MECOM: variants seen among roughly 807,000 people sequenced by gnomAD.
The protein encoded by MECOM is MDS1 and EVI1 complex locus.
In MECOM, 13 loss-of-function variants were observed where a neutral mutation model predicts 116.3. That is an observed-to-expected ratio of 0.11 (90% CI 0.07 to 0.18). The LOEUF is 0.18. Among genes scored for constraint, MECOM ranks in the 10% least tolerant of loss-of-function variants. The pLI is 1.00. For synonymous variants in MECOM, 528 were observed against 535.2 expected (o/e 0.99, Z 0.19); for missense variants, 1,299 against 1,509.0 (o/e 0.86, Z 2.31).
intron 2 of MECOM, among the ~76,000 whole-genome samples, chr3:169,263,849 T>G (rs774502451): frequency 1.6e-4 from 25 of 152,134 alleles, no homozygotes; most frequent in Non-Finnish European, 3.2e-4. Context: ...TAAATAAAAT[T>G]ACTTCTGGTT....
intron 1 of MECOM, among the ~76,000 whole-genome samples, chr3:169,533,274 C>A (rs1041432227): frequency 7.2e-5 from 11 of 152,112 alleles, no homozygotes; most frequent in Non-Finnish European, 1.5e-4. Flanking sequence ...TTATCAAGAC[C>A]TGGTGTGTAG....
At chr3:169,163,062 CTT>C (rs1743078050) in intron 2 of MECOM, among the ~76,000 whole-genome samples, 1 of 152,062 alleles carries the variant, frequency 6.6e-6, no homozygotes. Flanking sequence ...GCACAAAACA[CTT>C]TTAAATCATA....
At chr3:169,094,907 A>G (rs1056679896) in intron 13 of MECOM, among the ~76,000 whole-genome samples, 169 bp downstream of exon 13, 1 of 152,214 alleles carries the variant, frequency 6.6e-6, no homozygotes, top group Admixed American at 6.5e-5. Context: ...TAATGATCAC[A>G]TTGCTCACAT....
chr3:169,308,505 T>C (rs1577666247), intron 2 of MECOM, among the ~76,000 whole-genome samples: 1 of 152,218 alleles, frequency 6.6e-6, no homozygotes, highest in East Asian at 1.9e-4. Context: ...ATATTCTATC[T>C]ACTGTTCAAA....
chr3:169,529,546 T>C lies in MECOM; in HGVS notation c.37+133790A>G, dbSNP rs918283854. On this transcript the variant is annotated intron_variant, in intron 1 of 16. Transcript: ENST00000651503. ...AAAGAAGCTGAAGTAACAGCCAGTTTGACATCCCCACTCCCCAGCATTTCA... is the reference window on the plus strand; with the variant it reads ...AAAGAAGCTGAAGTAACAGCCAGTTCGACATCCCCACTCCCCAGCATTTCA... 6.6e-5 allele frequency among the ~76,000 whole-genome samples: 10 copies of C among 152,168 alleles called. No individual in the cohort carries two copies. The East Asian group carries it at 9.6e-4, about 15-fold the overall frequency.
chr3:169,345,532 C>T (rs1430408681), intron 2 of MECOM, among the ~76,000 whole-genome samples: 1 of 152,044 alleles, frequency 6.6e-6, no homozygotes, highest in Non-Finnish European at 1.5e-5. Flanking sequence ...AGCAAAAACT[C>T]CTCAGCACAA....
intron 1 of MECOM, among the ~76,000 whole-genome samples, chr3:169,411,851 C>T (rs1012467117): frequency 6.6e-6 from 1 of 152,104 alleles, no homozygotes. Context: ...AGTAGCCAGG[C>T]ATGGTAGTGC....
chr3:169,287,084 C>A lies in MECOM; in HGVS notation c.375+94103G>T, dbSNP rs1043146827. ...CTGGAGTCCTATTTCCTGGGCCCTC[C>A]GAAGATAGAAAATATCACATTTCTA... On this transcript the variant is annotated intron_variant, in intron 2 of 16. Transcript: ENST00000651503. Among the ~76,000 whole-genome samples, 4 of 152,106 alleles carry A rather than the reference C, an allele frequency of 2.6e-5. No individual in the cohort carries two copies. In the South Asian group the frequency reaches 6.2e-4, roughly 24 times the overall value.
intron 1 of MECOM, among the ~76,000 whole-genome samples, chr3:169,472,617 GA>G (rs1749659941): frequency 1.6e-5 from 1 of 61,620 alleles, no homozygotes; most frequent in East Asian, 3.9e-4. Flanking sequence ...GGAAAGGAAA[GA>G]AAAGAAAAGA....
intron 2 of MECOM, among the ~76,000 whole-genome samples, chr3:169,301,019 C>A (rs1380550755): frequency 6.6e-6 from 1 of 152,228 alleles, no homozygotes; most frequent in Non-Finnish European, 1.5e-5. Context: ...AGCAATCTTT[C>A]TTAGCTCTGT....
At chr3:169,455,689 T>G (rs1402949196) in intron 1 of MECOM, among the ~76,000 whole-genome samples, 1 of 152,188 alleles carries the variant, frequency 6.6e-6, no homozygotes, top group Non-Finnish European at 1.5e-5. Flanking sequence ...AAGCCATGCA[T>G]GGAGCAAATA....
chr3:169,115,732 C>A lies in MECOM; in HGVS notation c.2140G>T (p.Asp714Tyr), dbSNP rs748180526. Residue 714 changes from aspartate to tyrosine, a missense_variant, in exon 8 of 17, where the codon GAC (aspartate) becomes TAC (tyrosine). Asp to Tyr is a radical substitution (Grantham distance 160). Transcript: ENST00000651503. ...SQSMYPFPDR[D>Y]LRSLPLKMEP... is the part of the protein sequence containing the mutation. ...ATTTTCAAAGGTAACGATCTCAAGT[C>A]TCTATCAGGAAATGGGTACATTGAT... is the stretch of plus-strand genomic sequence containing the variant. 34 of 1,614,118 alleles carry A rather than the reference C, an allele frequency of 2.1e-5. No individual in the cohort carries two copies. Among genetic ancestry groups the A allele is most frequent in the Non-Finnish European group, 2.9e-5 (34 of 1,180,032 alleles).
intron 1 of MECOM, among the ~76,000 whole-genome samples, chr3:169,532,031 C>T (rs991103737): frequency 6.6e-6 from 1 of 152,208 alleles, no homozygotes; most frequent in Non-Finnish European, 1.5e-5. Flanking sequence ...GGTTTGATCA[C>T]TTCTAAGCTC....
At chr3:169,111,069 C>T (rs1727223906) in intron 9 of MECOM, among the ~76,000 whole-genome samples, 1 of 152,126 alleles carries the variant, frequency 6.6e-6, no homozygotes, top group Admixed American at 6.6e-5. Flanking sequence ...GACAAAACTG[C>T]CCATCTTATG....
intron 1 of MECOM, among the ~76,000 whole-genome samples, chr3:169,443,855 C>T (rs1363848708): frequency 6.6e-6 from 1 of 152,218 alleles, no homozygotes; most frequent in Non-Finnish European, 1.5e-5. Flanking sequence ...CTTCAGTTCT[C>T]TCTGAGGACA....
intron 2 of MECOM, among the ~76,000 whole-genome samples, chr3:169,215,920 G>T (rs75961277): frequency 6.6e-6 from 1 of 152,160 alleles, no homozygotes; most frequent in Non-Finnish European, 1.5e-5. Flanking sequence ...CAGGCAATTT[G>T]GCCCTTGATT....
At chr3:169,540,893 T>G (rs1052697473) in intron 1 of MECOM, among the ~76,000 whole-genome samples, 1 of 152,146 alleles carries the variant, frequency 6.6e-6, no homozygotes, top group Non-Finnish European at 1.5e-5. Context: ...ACAGGCAGAA[T>G]TAGGCACACT....
In MECOM at chr3:169,512,705, T is replaced by C. The variant is rs942536924; in HGVS notation, c.38-131181A>G. Among the ~76,000 whole-genome samples the C allele has an allele frequency of 5.3e-5, 8 of 152,178 alleles. 1 individual carries two copies. The highest frequency in any genetic ancestry group is 1.9e-4 in the African/African-American group (8 of 41,420). On this transcript the variant is annotated intron_variant, in intron 1 of 16. Coordinates refer to ENST00000651503, the MANE Select transcript of MECOM (RefSeq NM_004991.4). ...TGAATCAATGAATGAATAAACTTGG[T>C]GAAATCACGAAGTCTTGTCTATCTT...
At chr3:169,565,303 A>G (rs1372924458) in intron 1 of MECOM, among the ~76,000 whole-genome samples, 1 of 152,180 alleles carries the variant, frequency 6.6e-6, no homozygotes, top group African/African-American at 2.4e-5. Context: ...ATCCTGGAGA[A>G]TGGTGTCAGA....
Sources: gnomAD v4.1 joint callset for allele counts (sites outside exome capture counted in the v4.1 genomes callset) on GRCh38, gnomAD v4.1.1 for gene constraint, MANE v1.5 for transcripts, NCBI Gene and HGNC (gene_info 2026-07-23, HGNC 2026-07-21) for gene names.